AIRE: variants seen among roughly 807,000 people sequenced by gnomAD.
The protein encoded by AIRE is autoimmune regulator, also known as autoimmune polyendocrinopathy candidiasis ectodermal dystrophy protein.
In AIRE, 52 loss-of-function variants were observed where a neutral mutation model predicts 62.1. The ratio of observed to expected loss-of-function variants is 0.84; its 90% confidence interval spans 0.67 to 1.06. The LOEUF is 1.06. Among genes scored for constraint, AIRE ranks in the 50% least tolerant of loss-of-function variants. The pLI, the probability that AIRE is intolerant of heterozygous loss-of-function variation, is 0.00. For synonymous variants in AIRE, 342 were observed against 321.6 expected, an observed-to-expected ratio of 1.06 and a Z score of -0.68; for missense variants, 774 against 755.8, an observed-to-expected ratio of 1.02 and a Z score of -0.28.
intron 12 of AIRE, among the ~76,000 whole-genome samples, chr21:44,295,014 CG>C (rs2040591290): frequency 6.6e-6 from 1 of 152,182 alleles, no homozygotes; most frequent in Non-Finnish European, 1.5e-5. Context: ...CTGGGTGGCG[CG>C]GAGACCCCTG....
In AIRE at chr21:44,291,075, G is replaced by C. The variant is rs749193829; in HGVS notation, c.880-20G>C. On this transcript the variant is annotated intron_variant, in intron 7 of 13. Coordinates refer to ENST00000291582, the MANE Select transcript of AIRE (RefSeq NM_000383.4). ...CTGCACCCCAGCCCAGTCTGCATGGGCGTCTCTTGCCTGTGCCAGAAGAAT... is the reference window on the plus strand; with the variant it reads ...CTGCACCCCAGCCCAGTCTGCATGGCCGTCTCTTGCCTGTGCCAGAAGAAT... 1.9e-6 allele frequency: 3 copies of C among 1,613,186 alleles called. No individual in the cohort carries two copies. The African/African-American group carries it at 4.0e-5, about 22-fold the overall frequency.
rs1420002764 is a variant in AIRE, at chr21:44,292,392, G to A, written c.1086G>A (p.Val362=). Residue 362 remains valine (V), a synonymous_variant, in exon 9 of 14, where the codon GTG becomes GTA. Coordinates refer to ENST00000291582, the MANE Select transcript of AIRE (RefSeq NM_000383.4). ...AGCCCCGGCCCCAGGAGCCACCCGT[G>A]GAGACCCCGGTATGGCCACGCCCCC... ...AEEPRPQEPP[V]ETPLPPGLRS... The A allele has an allele frequency of 1.3e-6, 2 of 1,552,824 alleles. No individual in the cohort carries two copies. Among genetic ancestry groups the A allele is most frequent in the Admixed American group, 1.9e-5 (1 of 51,456 alleles).
chr21:44,293,718 A>AGGGCTC, intron 10 of AIRE, 71 bp from the exon 11 acceptor site: 1 of 1,589,690 alleles, frequency 6.3e-7, no homozygotes, highest in African/African-American at 1.3e-5. Flanking sequence ...GAGAGCGCAC[A>AGGGCTC]GGGCTCGGGT....
At chr21:44,289,623 G>T (rs779005908) in intron 5 of AIRE, 34 bp from the exon 6 acceptor site, 1 of 1,611,926 alleles carries the variant, frequency 6.2e-7, no homozygotes, top group Non-Finnish European at 8.5e-7. Context: ...CCTGCTGGGC[G>T]GGTGAGCCAG....
At chr21:44,294,794 C>A (rs934239701) in intron 12 of AIRE, among the ~76,000 whole-genome samples, 2 of 152,196 alleles carry the variant, frequency 1.3e-5, no homozygotes, top group Non-Finnish European at 2.9e-5. Flanking sequence ...CCTGCCAGGG[C>A]TCCCTGGTGG....
rs1175038171 is a variant in AIRE at position 44,297,887 on chromosome 21, C to A, written c.*160C>A. 1 of 706,088 alleles carries A rather than the reference C, an allele frequency of 1.4e-6. No individual in the cohort carries two copies. The highest frequency in any genetic ancestry group is 2.5e-6 in the Non-Finnish European group (1 of 402,700). The allele number at this position is 706,088 out of a possible 1,614,324, so 43.7% of individuals were successfully genotyped here. A position where few individuals can be genotyped will look rare whatever the true frequency, so the allele number is the denominator to read the frequency against. ...GCTCTGTGTTTCTGGGGACACCAGC[C>A]ATCATGTGCCTGGAAATTAAACCCT... On this transcript the variant is annotated 3_prime_UTR_variant, in exon 14 of 14. Transcript: ENST00000291582. This position sits in a 1 kb window ranked among gnomAD's most constrained non-coding sequence, Gnocchi z 4.8.
At chr21:44,290,877 T>A in intron 7 of AIRE, 1 of 1,606,174 alleles carries the variant, frequency 6.2e-7, no homozygotes, top group Non-Finnish European at 8.5e-7. Flanking sequence ...TTCTTCCCAA[T>A]AGGGATGGCC....
chr21:44,290,708 C>T, intron 7 of AIRE: 1 of 1,349,208 alleles, frequency 7.4e-7, no homozygotes, highest in Non-Finnish European at 9.8e-7. Context: ...CCAGGCAGGG[C>T]ACAAGGACGG....
At chr21:44,296,661 C>G (rs1352722073) in intron 13 of AIRE, among the ~76,000 whole-genome samples, 1 of 150,422 alleles carries the variant, frequency 6.6e-6, no homozygotes, top group Non-Finnish European at 1.5e-5. Flanking sequence ...CAGGAGCCCC[C>G]CCCGGCCCCT....
At chr21:44,293,417 G>T (rs185442462) in intron 10 of AIRE, among the ~76,000 whole-genome samples, 2 of 152,188 alleles carry the variant, frequency 1.3e-5, no homozygotes, top group East Asian at 3.9e-4. Flanking sequence ...AATGAAGGGG[G>T]GGATGTCCCA....
At position 44,286,028 on chromosome 21, in the gene AIRE, C is replaced by T. The variant is rs1231469574; in HGVS notation, c.22C>T (p.Arg8Cys). 21 of 1,534,766 alleles carry T rather than the reference C, an allele frequency of 1.4e-5. No homozygotes were observed. The highest frequency in any genetic ancestry group is 1.8e-5 in the Non-Finnish European group (21 of 1,144,962). Residue 8 changes from arginine to cysteine, a missense_variant, in exon 1 of 14, where the codon CGC becomes TGC. Physicochemically the swap from Arg to Cys is radical, Grantham distance 180. Transcript: ENST00000291582. The surrounding 1 kb of genome is among the most constrained non-coding windows in gnomAD (Gnocchi z 6.0). MATDAAL[R>C]RLLRLHRTEI... ...CCCCATGGCGACGGACGCGGCGCTA[C>T]GCCGGCTTCTGAGGCTGCACCGCAC...
At chr21:44,289,483 T>A (rs1197298499) in intron 5 of AIRE, 174 bp from the exon 6 acceptor site, 1 of 784,792 alleles carries the variant, frequency 1.3e-6, no homozygotes, top group Non-Finnish European at 2.0e-6. Context: ...CACCCTGGTG[T>A]AGATCCAGGA....
chr21:44,295,136 G>A lies in AIRE; in HGVS notation c.1503+633G>A, dbSNP rs955606940. Among the ~76,000 whole-genome samples, 4 of 152,172 alleles carry A rather than the reference G, an allele frequency of 2.6e-5. 1 individual carries two copies. The Middle Eastern group carries it at 9.5e-3, about 361-fold the overall frequency. On this transcript the variant is annotated intron_variant, in intron 12 of 13. Transcript: ENST00000291582. ...CTTGCCCTGACCGTCCCCAGCAGAG[G>A]CCTCCTGAGCACATCCTGGCCACCG... is the stretch of plus-strand genomic sequence containing the variant.
chr21:44,289,833 G>A, intron 6 of AIRE, 31 bp downstream of exon 6: 1 of 1,611,876 alleles, frequency 6.2e-7, no homozygotes, highest in Non-Finnish European at 8.5e-7. Context: ...GGGGAGCCTG[G>A]CTCTTGATGC....
At chr21:44,294,378 C>A (rs1226116940) in intron 11 of AIRE, 23 bp from the exon 12 acceptor site, 2 of 1,523,808 alleles carry the variant, frequency 1.3e-6, no homozygotes, top group Non-Finnish European at 1.8e-6. Context: ...CCAGGGCTGG[C>A]AGCCCCTCAT....
intron 12 of AIRE, 45 bp downstream of exon 12, chr21:44,294,548 G>A (rs1266557745): frequency 3.4e-6 from 4 of 1,172,162 alleles, no homozygotes; most frequent in African/African-American, 3.1e-5. Flanking sequence ...GCTGGGGGTG[G>A]GGAACCCCTT....
rs762352804 is a variant in AIRE at position 44,286,939 on chromosome 21, C to A, written c.308-39C>A. 5.0e-6 allele frequency: 8 copies of A among 1,612,430 alleles called. No homozygotes were observed. The African/African-American group carries it at 1.1e-4, about 22-fold the overall frequency. The stretch of plus-strand genomic sequence containing the variant: ...GGGCCCACCCTACCCCTGGAGAAAA[C>A]CCTGAGGTTGGGACCCTGCTCCTGC... On this transcript the variant is annotated intron_variant, in intron 2 of 13. Coordinates refer to ENST00000291582, the MANE Select transcript of AIRE (RefSeq NM_000383.4). This position sits in a 1 kb window ranked among gnomAD's most constrained non-coding sequence, Gnocchi z 6.0.
At position 44,292,360 on chromosome 21, in the gene AIRE, G is replaced by C; in HGVS notation, c.1054G>C (p.Ala352Pro). 1 of 1,570,652 alleles carries C rather than the reference G, an allele frequency of 6.4e-7. No individual in the cohort carries two copies. The highest frequency in any genetic ancestry group is 8.6e-7 in the Non-Finnish European group (1 of 1,158,028). ...QATVQEVQPR[A>P]EEPRPQEPPV... ...AACAGTCCAGGAGGTGCAGCCCCGG[G>C]CAGAGGAGCCCCGGCCCCAGGAGCC... Residue 352 changes from alanine (A) to proline (P), a missense_variant, in exon 9 of 14, where the codon GCA becomes CCA. This residue lies in a region of AIRE where 354 missense variants were observed against 296.1 expected (regional missense o/e 1.20). Transcript: ENST00000291582.
chr21:44,289,575 G>A, intron 5 of AIRE, 82 bp from the exon 6 acceptor site: 24 of 1,586,400 alleles, frequency 1.5e-5, no homozygotes, highest in Non-Finnish European at 2.1e-5. Context: ...GTCTCTGCTA[G>A]ACCCCACCCT....
Sources: gnomAD v4.1 joint callset for allele counts (sites outside exome capture counted in the v4.1 genomes callset) on GRCh38, gnomAD v4.1.1 for gene constraint, gnomAD v4.1.1 regional missense constraint, Gnocchi (gnomAD v3.1) non-coding constraint, MANE v1.5 for transcripts, NCBI Gene and HGNC (gene_info 2026-07-23, HGNC 2026-07-21) for gene names.